Variants in LRRC49 observed in about 807,000 individuals in gnomAD.
LRRC49 encodes the protein leucine rich repeat containing 49.
Under a neutral mutation model 83.3 loss-of-function variants are expected in LRRC49, and 50 were observed. The observed-to-expected ratio is 0.60, with a 90% CI of 0.48 to 0.76. The LOEUF (loss-of-function observed/expected upper bound fraction) is 0.76, where lower values mean the gene tolerates loss of function less well. Among genes scored for constraint, LRRC49 ranks in the 30% least tolerant of loss-of-function variants. LRRC49 has a pLI of 0.00. For missense variants in LRRC49, 704 were observed against 809.1 expected, an observed-to-expected ratio of 0.87 and a Z score of 1.58; for synonymous variants, 286 against 283.3, an observed-to-expected ratio of 1.01 and a Z score of -0.10.
Position 70,873,177 on chromosome 15 carries a change from G to T in LRRC49, c.-29G>T, listed in dbSNP as rs926096925. The T allele has an allele frequency of 2.6e-6, 4 of 1,535,164 alleles. No homozygotes were observed. The East Asian group carries it at 9.8e-5, about 38-fold the overall frequency. ...TGGGATTACAGGAGTGAGCCACCTC[G>T]CCCAGCCAACTTGACATAACTTTTA... On this transcript the variant is annotated 5_prime_UTR_variant, in exon 2 of 17. Transcript: ENST00000544974.
chr15:70,926,655 A>G (rs1481773534), intron 7 of LRRC49, among the ~76,000 whole-genome samples: 1 of 152,074 alleles, frequency 6.6e-6, no homozygotes, highest in African/African-American at 2.4e-5. Context: ...TCTCCTAATG[A>G]TATCCCTACC....
At chr15:70,979,452 A>G (rs2037321878) in intron 9 of LRRC49, among the ~76,000 whole-genome samples, 1 of 151,762 alleles carries the variant, frequency 6.6e-6, no homozygotes, top group African/African-American at 2.4e-5. Flanking sequence ...TCACCTGATT[A>G]TCTTTTTTTT....
At chr15:70,951,133 C>T (rs1218165819) in intron 8 of LRRC49, among the ~76,000 whole-genome samples, 1 of 152,070 alleles carries the variant, frequency 6.6e-6, no homozygotes, top group African/African-American at 2.4e-5. Flanking sequence ...TGTTTTCATA[C>T]CAGTACCATG....
chr15:70,995,341 A>G (rs934297687), intron 11 of LRRC49, among the ~76,000 whole-genome samples: 1 of 152,244 alleles, frequency 6.6e-6, no homozygotes, highest in Non-Finnish European at 1.5e-5. Context: ...TTTATGGTCA[A>G]AGTAAGTTTT....
chr15:70,991,674 A>G (rs930399177), intron 11 of LRRC49, among the ~76,000 whole-genome samples: 4 of 152,232 alleles, frequency 2.6e-5, no homozygotes, highest in Non-Finnish European at 5.9e-5. Flanking sequence ...CTATATTTAC[A>G]TAATTTTAAA....
chr15:71,000,851 T>C (rs1425736382), intron 11 of LRRC49, among the ~76,000 whole-genome samples: 1 of 152,180 alleles, frequency 6.6e-6, no homozygotes, highest in Non-Finnish European at 1.5e-5. Context: ...TTTTTTCTTG[T>C]ATTATGTGTC....
intron 11 of LRRC49, among the ~76,000 whole-genome samples, chr15:71,007,876 A>C (rs2038515529): frequency 6.6e-6 from 1 of 151,442 alleles, no homozygotes; most frequent in South Asian, 2.1e-4. Flanking sequence ...TGAAGTATCC[A>C]AAAGTAGAAA....
At chr15:70,900,888 CTTAA>C (rs757710815) in intron 3 of LRRC49, 30 bp from the exon 4 acceptor site, 16 of 1,338,594 alleles carry the variant, frequency 1.2e-5, no homozygotes, top group African/African-American at 8.8e-5. Flanking sequence ...GAAGGTTTTT[CTTAA>C]TTAAGTAATT....
At chr15:70,891,502 C>A (rs559924742), upstream of LRRC49, among the ~76,000 whole-genome samples, 1 of 151,772 alleles carries the variant, frequency 6.6e-6, no homozygotes, top group Non-Finnish European at 1.5e-5. Flanking sequence ...TCAAATTAAA[C>A]CCTTTCTATT....
At chr15:70,905,242 C>T (rs919757910) in intron 5 of LRRC49, among the ~76,000 whole-genome samples, 3 of 152,202 alleles carry the variant, frequency 2.0e-5, no homozygotes, top group African/African-American at 4.8e-5. Flanking sequence ...CAACTCTATT[C>T]CGTAGTGCAA....
intron 11 of LRRC49, among the ~76,000 whole-genome samples, chr15:70,998,070 A>G (rs1420914866): frequency 6.6e-6 from 1 of 152,180 alleles, no homozygotes; most frequent in East Asian, 1.9e-4. Context: ...TTGTAATAGT[A>G]TATAAGAACT....
chr15:71,038,049 G>A (rs1395917125), intron 15 of LRRC49, among the ~76,000 whole-genome samples: 1 of 152,068 alleles, frequency 6.6e-6, no homozygotes, highest in Non-Finnish European at 1.5e-5. Flanking sequence ...GATTTTGAGG[G>A]AACAAAGGGG....
intron 11 of LRRC49, among the ~76,000 whole-genome samples, chr15:70,990,126 C>G (rs1418999147): frequency 6.6e-6 from 1 of 152,182 alleles, no homozygotes; most frequent in Non-Finnish European, 1.5e-5. Flanking sequence ...TCTCAGATCT[C>G]CAGCTGCGTG....
intron 1 of LRRC49, among the ~76,000 whole-genome samples, chr15:70,857,321 T>C (rs1179829732): frequency 1.3e-5 from 2 of 152,044 alleles, no homozygotes; most frequent in Non-Finnish European, 2.9e-5. Flanking sequence ...GAATAAGATA[T>C]TGTGGTGAAG....
rs367761797 is a variant in LRRC49, at chr15:71,012,773, T to G, written c.1594-31T>G. The G allele has an allele frequency of 4.4e-5, 58 of 1,312,178 alleles. No individual in the cohort carries two copies. In the East Asian group the frequency reaches 7.4e-4, roughly 17 times the overall value. 81.3% of individuals were successfully genotyped at this position (1,312,178 alleles called of 1,614,324 possible). On this transcript the variant is annotated intron_variant, in intron 13 of 15. Transcript: ENST00000260382. ...TTATTCAGCTAAGAGTTGGTGTCAT[T>G]TTTTTACCCCTTTCTATTGTGTCTC...
At chr15:71,023,402 A>G (rs927835629) in intron 14 of LRRC49, among the ~76,000 whole-genome samples, 5 of 152,200 alleles carry the variant, frequency 3.3e-5, no homozygotes, top group Non-Finnish European at 2.9e-5. Context: ...AAAGATAATA[A>G]ATGGAAATAG....
chr15:70,960,395 G>A (rs2036564439), intron 8 of LRRC49, among the ~76,000 whole-genome samples: 1 of 152,218 alleles, frequency 6.6e-6, no homozygotes, highest in African/African-American at 2.4e-5. Context: ...ACTCATGTAT[G>A]TGGTCTGATG....
chr15:70,900,834 T>C lies in LRRC49; in HGVS notation c.194-88T>C. The C allele has an allele frequency of 5.4e-6, 4 of 734,728 alleles. 1 individual carries two copies. In the South Asian group the frequency reaches 6.4e-5, roughly 12 times the overall value. The allele number at this position is 734,728 out of a possible 1,614,324, so 45.5% of individuals were successfully genotyped here. A position where few individuals can be genotyped will look rare whatever the true frequency, so the allele number is the denominator to read the frequency against. On this transcript the variant is annotated intron_variant, in intron 3 of 15. Transcript: ENST00000260382. ...TACTTTCTAGATAAGATATTTATGGTGCTAAAATTCTCCAAATATAAGATG... is the reference window on the plus strand; with the variant it reads ...TACTTTCTAGATAAGATATTTATGGCGCTAAAATTCTCCAAATATAAGATG...
chr15:70,985,901 G>T (rs1029243450), intron 11 of LRRC49, among the ~76,000 whole-genome samples: 1 of 143,742 alleles, frequency 7.0e-6, no homozygotes, highest in African/African-American at 2.6e-5. Flanking sequence ...TTTCCCCATT[G>T]CTTGTTTTTC....
Sources: allele counts gnomAD v4.1 joint callset (sites outside exome capture counted in the v4.1 genomes callset), GRCh38; gene constraint gnomAD v4.1.1; transcripts MANE v1.5; gene names NCBI Gene and HGNC (gene_info 2026-07-23, HGNC 2026-07-21).